The following TBL1X variants were observed in gnomAD, a reference collection of about 807,000 sequenced individuals.
The protein encoded by TBL1X is transducin beta like 1 X-linked.
TBL1X carries 10 observed loss-of-function variants against 50.7 expected under a neutral mutation model. The ratio of observed to expected loss-of-function variants is 0.20; its 90% CI spans 0.12 to 0.33. The LOEUF is 0.33. Among genes scored for constraint, TBL1X ranks in the 10% least tolerant of loss-of-function variants. The pLI is 1.00. For synonymous variants in TBL1X, 190 were observed against 214.7 expected, an observed-to-expected ratio of 0.88 and a Z score of 1.01; for missense variants, 340 against 504.4, an observed-to-expected ratio of 0.67 and a Z score of 3.12.
At chrX:9,517,440 A>G (rs1413644238) in intron 2 of TBL1X, among the ~76,000 whole-genome samples, 1 of 111,512 alleles carries the variant, frequency 9.0e-6, no homozygotes, top group Non-Finnish European at 1.9e-5. Flanking sequence ...TATAGCAGGG[A>G]CCTTTTTCAG....
intron 2 of TBL1X, among the ~76,000 whole-genome samples, chrX:9,601,357 T>C (rs2082555684): frequency 3.6e-5 from 4 of 110,685 alleles, no homozygotes; most frequent in Non-Finnish European, 7.6e-5. Flanking sequence ...GCTAGGTACA[T>C]ATGGGTGGTT....
At chrX:9,651,011 C>CTTTTTTTT (rs572743375) in intron 3 of TBL1X, among the ~76,000 whole-genome samples, 2 of 30,932 alleles carry the variant, frequency 6.5e-5, no homozygotes, top group Non-Finnish European at 1.1e-4. Context: ...AGCTGCCAGC[C>CTTTTTTTT]TTTTTTTTTT....
Position 9,718,131 on chromosome X carries a change from G to T in TBL1X, c.*1885G>T, listed in dbSNP as rs946960834. On this transcript the variant is annotated 3_prime_UTR_variant, in exon 18 of 18. Transcript: ENST00000645353. Reference sequence around the variant, plus strand: ...GAAGATGGCCCAGCCCGTGGGGGCTGCTGGGTCACCAGCAGTGGGTAGGGT... The same window carrying T: ...GAAGATGGCCCAGCCCGTGGGGGCTTCTGGGTCACCAGCAGTGGGTAGGGT... The T allele has an allele frequency of 7.2e-5, 8 of 110,891 alleles. No individual in the cohort carries two copies. Among genetic ancestry groups the T allele is most frequent in the African/African-American group, 2.6e-4 (8 of 30,392 alleles). The allele number at this position is 110,891 out of a possible 1,213,427, so 9.1% of individuals were successfully genotyped here.
chrX:9,711,750 A>G lies in TBL1X; in HGVS notation c.1579A>G (p.Lys527Glu). Residue 527 changes from lysine to glutamate, a missense_variant, in exon 16 of 18, where the codon AAG (lysine) becomes GAG (glutamate). Lys to Glu is a moderately conservative substitution (Grantham distance 56, BLOSUM62 1). This residue lies in a region of TBL1X where 170 missense variants were observed against 272.6 expected (regional missense o/e 0.62). Transcript: ENST00000645353. ...GTACTTGGCCAGTGGATCCTTCGAC[A>G]AGTGCGTCCATATCTGGAATACTCA... ...GKYLASGSFD[K>E]CVHIWNTQSG... 1 of 1,203,017 alleles carries G rather than the reference A, an allele frequency of 8.3e-7. No homozygotes were observed. Among genetic ancestry groups the G allele is most frequent in the Non-Finnish European group, 1.1e-6 (1 of 890,520 alleles).
At chrX:9,660,195 A>G (rs1277021334) in intron 5 of TBL1X, among the ~76,000 whole-genome samples, 2 of 112,567 alleles carry the variant, frequency 1.8e-5, no homozygotes, top group African/African-American at 6.5e-5. Flanking sequence ...TATCAAAGTC[A>G]TCGAAAACCC....
Position 9,703,934 on chromosome X carries a change from C to T in TBL1X, c.1115-1059C>T, listed in dbSNP as rs775329551. 8.9e-5 allele frequency among the ~76,000 whole-genome samples: 10 copies of T among 112,748 alleles called. No homozygotes were observed. The South Asian group carries it at 2.2e-3, about 25-fold the overall frequency. ...GTCCAGCCCTGTGGAGGCAGACGCT[C>T]TGAGGACAGAACCAGGGCCTGGCTT... is the stretch of plus-strand genomic sequence containing the variant. On this transcript the variant is annotated intron_variant, in intron 12 of 17. Transcript: ENST00000645353.
intron 12 of TBL1X, among the ~76,000 whole-genome samples, chrX:9,704,440 G>A (rs905649160): frequency 3.0e-4 from 34 of 111,989 alleles, no homozygotes; most frequent in African/African-American, 9.4e-4. Flanking sequence ...CCATGGGAGC[G>A]GGAGATTCTG....
intron 2 of TBL1X, among the ~76,000 whole-genome samples, chrX:9,505,891 G>T (rs764061564): frequency 8.9e-6 from 1 of 111,744 alleles, no homozygotes; most frequent in South Asian, 3.7e-4. Flanking sequence ...TATTAGGTCA[G>T]TGAGACAGAA....
At position 9,689,010 on chromosome X, in the gene TBL1X, GTA is replaced by G. The variant is rs997851692; in HGVS notation, c.616+737_616+738del. ...CAAGTGTGTATGCATGCGTGTGCGTGTATGTGTGCGTGTGTGCGTGTGTGCGT... is the reference window on the plus strand; with the variant it reads ...CAAGTGTGTATGCATGCGTGTGCGTGTGTGTGCGTGTGTGCGTGTGTGCGT... On this transcript the variant is annotated intron_variant, in intron 7 of 17. Transcript: ENST00000645353. Among the ~76,000 whole-genome samples, 3 of 110,827 alleles carry G rather than the reference GTA, an allele frequency of 2.7e-5. No homozygotes were observed. The Admixed American group carries it at 2.8e-4, about 10-fold the overall frequency.
intron 2 of TBL1X, among the ~76,000 whole-genome samples, chrX:9,591,191 G>C (rs2082498176): frequency 9.0e-6 from 1 of 111,205 alleles, no homozygotes; most frequent in Non-Finnish European, 1.9e-5. Flanking sequence ...CTCTGTCAAA[G>C]AAACTAGTTT....
intron 1 of TBL1X, among the ~76,000 whole-genome samples, chrX:9,497,789 C>T (rs2081979657): frequency 1.2e-5 from 1 of 81,440 alleles, no homozygotes; most frequent in African/African-American, 4.6e-5. Context: ...TCTCTCCCTC[C>T]CTCTCTCCGT....
intron 2 of TBL1X, among the ~76,000 whole-genome samples, chrX:9,577,124 C>A (rs756714711): frequency 1.5e-4 from 17 of 111,925 alleles, no homozygotes; most frequent in African/African-American, 5.5e-4. Context: ...ATCAATTAGT[C>A]TTTTCCTGAT....
chrX:9,688,324 T>G, intron 7 of TBL1X, 49 bp downstream of exon 7: 1 of 1,053,333 alleles, frequency 9.5e-7, no homozygotes, highest in Middle Eastern at 3.0e-4. Context: ...GGGTTCATTG[T>G]TTTCTTCTTG....
chrX:9,662,242 CA>C (rs765127164), intron 5 of TBL1X, among the ~76,000 whole-genome samples: 2 of 111,551 alleles, frequency 1.8e-5, no homozygotes, highest in Non-Finnish European at 3.8e-5. Context: ...CCCCTCCTTC[CA>C]AGACTGACCT....
chrX:9,531,288 G>A (rs1205982493), intron 2 of TBL1X, among the ~76,000 whole-genome samples: 3 of 108,322 alleles, frequency 2.8e-5, no homozygotes, highest in African/African-American at 1.0e-4. Context: ...GATGAACTTT[G>A]CATGCTTCAG....
chrX:9,552,753 A>G (rs1278942498), intron 2 of TBL1X, among the ~76,000 whole-genome samples: 2 of 111,983 alleles, frequency 1.8e-5, no homozygotes, highest in African/African-American at 3.3e-5. Flanking sequence ...GCTGTGGTAG[A>G]TGGAATAATG....
At chrX:9,492,466 C>T (rs1225932362) in intron 1 of TBL1X, among the ~76,000 whole-genome samples, 8 of 111,885 alleles carry the variant, frequency 7.2e-5, no homozygotes, top group Non-Finnish European at 1.3e-4. Flanking sequence ...TTTCCAAGTG[C>T]AGGACTAACA....
chrX:9,589,774 T>G (rs1419601084), intron 2 of TBL1X, among the ~76,000 whole-genome samples: 1 of 111,922 alleles, frequency 8.9e-6, no homozygotes, highest in East Asian at 2.8e-4. Context: ...CAGTTAAGAA[T>G]CATTACCTAT....
chrX:9,671,078 T>C (rs970419979), intron 5 of TBL1X, among the ~76,000 whole-genome samples: 2 of 112,007 alleles, frequency 1.8e-5, no homozygotes, highest in Admixed American at 9.5e-5. Flanking sequence ...GAGCAGCACA[T>C]TTTGCTGGTA....
Sources: allele counts gnomAD v4.1 joint callset (sites outside exome capture counted in the v4.1 genomes callset), GRCh38; gene constraint gnomAD v4.1.1; regional missense constraint gnomAD v4.1.1; transcripts MANE v1.5; gene names NCBI Gene and HGNC (gene_info 2026-07-23, HGNC 2026-07-21).